GPC5: variants seen among roughly 807,000 people sequenced by gnomAD.
The protein encoded by GPC5 is glypican 5.
GPC5 carries 47 observed loss-of-function variants against 53.9 expected under a neutral mutation model. The observed-to-expected ratio is 0.87, with a 90% CI of 0.69 to 1.11. The LOEUF (loss-of-function observed/expected upper bound fraction) is 1.11, where lower values mean the gene tolerates loss of function less well. Ranked by LOEUF, GPC5 falls within the 50% of genes most tolerant of loss-of-function variation. The pLI, the probability that GPC5 is intolerant of heterozygous loss-of-function variation, is 0.00. For synonymous variants in GPC5, 286 were observed against 263.3 expected, an observed-to-expected ratio of 1.09 and a Z score of -0.84; for missense variants, 748 against 713.1, an observed-to-expected ratio of 1.05 and a Z score of -0.56.
intron 7 of GPC5, among the ~76,000 whole-genome samples, chr13:92,543,424 ATG>A (rs1881993101): frequency 8.9e-6 from 1 of 112,248 alleles, no homozygotes; most frequent in African/African-American, 3.7e-5. Context: ...ATTTATTTTG[ATG>A]TTTTTTTTCT....
At chr13:92,168,467 A>T (rs1224319899) in intron 7 of GPC5, among the ~76,000 whole-genome samples, 1 of 152,224 alleles carries the variant, frequency 6.6e-6, no homozygotes, top group African/African-American at 2.4e-5. Flanking sequence ...TCCAAAATCT[A>T]TAAGAAACTT....
chr13:92,517,291 ATC>A (rs1166305744), intron 7 of GPC5, among the ~76,000 whole-genome samples: 1 of 152,188 alleles, frequency 6.6e-6, no homozygotes, highest in Non-Finnish European at 1.5e-5. Context: ...AAATCTCTGA[ATC>A]TCTGCAGACT....
rs185953156 is a variant in GPC5, at chr13:91,489,333, C to A, written c.325+40411C>A. ...TGACATGTGATGTCTCCCCCGGACA[C>A]CCAGCTTTAAAATTTCTCTCTTTTG... On this transcript the variant is annotated intron_variant, in intron 2 of 7. Coordinates refer to ENST00000377067, the MANE Select transcript of GPC5 (RefSeq NM_004466.6). 1.6e-3 allele frequency among the ~76,000 whole-genome samples: 244 copies of A among 152,236 alleles called. 1 individual carries two copies. Among genetic ancestry groups the A allele is most frequent in the African/African-American group, 5.7e-3 (236 of 41,532 alleles).
At chr13:92,191,274 A>G (rs2042221011) in intron 7 of GPC5, among the ~76,000 whole-genome samples, 1 of 152,180 alleles carries the variant, frequency 6.6e-6, no homozygotes. Flanking sequence ...AAGAATATAA[A>G]AACATGTTCA....
At chr13:91,626,193 A>G (rs2033995202) in intron 2 of GPC5, among the ~76,000 whole-genome samples, 1 of 152,214 alleles carries the variant, frequency 6.6e-6, no homozygotes, top group Non-Finnish European at 1.5e-5. Flanking sequence ...TTGAAATTCT[A>G]TACTTCAAGG....
intron 7 of GPC5, among the ~76,000 whole-genome samples, chr13:92,409,772 A>C (rs537850109): frequency 2.6e-5 from 4 of 152,290 alleles, no homozygotes; most frequent in African/African-American, 9.6e-5. Context: ...TACACTATGA[A>C]ATGGAAAACC....
intron 7 of GPC5, among the ~76,000 whole-genome samples, chr13:92,705,595 A>C (rs1887921195): frequency 6.6e-6 from 1 of 152,166 alleles, no homozygotes; most frequent in Admixed American, 6.6e-5. Context: ...GGTGAAATAA[A>C]TACATAATGT....
At chr13:92,038,398 C>CGATT (rs2040913129) in intron 6 of GPC5, among the ~76,000 whole-genome samples, 1 of 149,380 alleles carries the variant, frequency 6.7e-6, no homozygotes, top group African/African-American at 2.5e-5. Flanking sequence ...ATAGATAGAT[C>CGATT]GATCCCTGTT....
chr13:92,697,057 A>C, intron 7 of GPC5, among the ~76,000 whole-genome samples: 1 of 151,434 alleles, frequency 6.6e-6, no homozygotes, highest in African/African-American at 2.4e-5. Context: ...ATTGGTCTAT[A>C]TATCTGTTTT....
chr13:92,643,330 G>T (rs1566338329), intron 7 of GPC5, among the ~76,000 whole-genome samples: 1 of 152,144 alleles, frequency 6.6e-6, no homozygotes, highest in East Asian at 1.9e-4. Context: ...AATGCCTCAG[G>T]GATCTAGAAC....
intron 4 of GPC5, among the ~76,000 whole-genome samples, chr13:91,752,097 T>C (rs2140112134): frequency 6.6e-6 from 1 of 152,316 alleles, no homozygotes; most frequent in South Asian, 2.1e-4. Context: ...CATGCGGCCT[T>C]TTCTCTGTGC....
intron 6 of GPC5, among the ~76,000 whole-genome samples, chr13:91,989,196 G>GT (rs892865737): frequency 1.3e-5 from 2 of 152,060 alleles, no homozygotes; most frequent in African/African-American, 2.4e-5. Context: ...TATAAAGTAG[G>GT]TTTTTTACTG....
At chr13:92,077,382 T>C (rs1327224751) in intron 6 of GPC5, among the ~76,000 whole-genome samples, 4 of 152,158 alleles carry the variant, frequency 2.6e-5, no homozygotes, top group African/African-American at 9.7e-5. Context: ...AGTAGTGAGG[T>C]AACAGACTTT....
intron 2 of GPC5, among the ~76,000 whole-genome samples, chr13:91,582,942 A>G (rs2032421665): frequency 6.6e-6 from 1 of 152,092 alleles, no homozygotes; most frequent in South Asian, 2.1e-4. Flanking sequence ...TGGAGGTTGT[A>G]GTGAGCCGAG....
chr13:91,761,350 T>C (rs925128558), intron 5 of GPC5, among the ~76,000 whole-genome samples: 5 of 152,136 alleles, frequency 3.3e-5, no homozygotes, highest in Admixed American at 6.5e-5. Context: ...GGAACTTCTG[T>C]GACCAAAATT....
chr13:92,304,940 G>T (rs2043101191), intron 7 of GPC5, among the ~76,000 whole-genome samples: 1 of 152,178 alleles, frequency 6.6e-6, no homozygotes, highest in African/African-American at 2.4e-5. Context: ...GTGATGTGAA[G>T]TGTATACAGC....
chr13:92,514,716 G>A (rs1880704377), intron 7 of GPC5, among the ~76,000 whole-genome samples: 1 of 152,078 alleles, frequency 6.6e-6, no homozygotes, highest in African/African-American at 2.4e-5. Context: ...CTTTGTGAGG[G>A]GCGGAATTTC....
chr13:91,714,360 A>G (rs2036289390), intron 3 of GPC5, among the ~76,000 whole-genome samples: 1 of 152,220 alleles, frequency 6.6e-6, no homozygotes, highest in South Asian at 2.1e-4. Flanking sequence ...TGAATACATT[A>G]GGATACAATC....
At chr13:91,521,594 T>C (rs546210249) in intron 2 of GPC5, among the ~76,000 whole-genome samples, 28 of 152,366 alleles carry the variant, frequency 1.8e-4, no homozygotes, top group African/African-American at 6.7e-4. Flanking sequence ...AAACATGTTC[T>C]AAACAAACTC....
Sources: gnomAD v4.1 joint callset for allele counts (sites outside exome capture counted in the v4.1 genomes callset) on GRCh38, gnomAD v4.1.1 for gene constraint, MANE v1.5 for transcripts, NCBI Gene and HGNC (gene_info 2026-07-23, HGNC 2026-07-21) for gene names.